Variants in CIITA observed in about 807,000 individuals in gnomAD.
The protein encoded by CIITA is MHC class II transactivator.
A neutral mutation model predicts 115.1 loss-of-function variants in CIITA; 72 were observed. The observed-to-expected ratio is 0.63, with a 90% CI of 0.52 to 0.76. The LOEUF is 0.76. Among genes scored for constraint, CIITA ranks in the 30% least tolerant of loss-of-function variants. CIITA has a pLI of 0.00. For missense variants in CIITA, 1,617 were observed against 1,463.8 expected (o/e 1.10, Z -1.71); for synonymous variants, 763 against 635.6 (o/e 1.20, Z -3.02).
chr16:10,908,193 T>A, intron 11 of CIITA, 44 bp downstream of exon 11: 1 of 1,549,036 alleles, frequency 6.5e-7, no homozygotes, highest in Non-Finnish European at 8.7e-7. Flanking sequence ...GTGTTGGGCA[T>A]TAACTGCGGT....
intron 15 of CIITA, chr16:10,917,130 G>A (rs1466591476): frequency 5.1e-6 from 1 of 196,452 alleles, no homozygotes; most frequent in East Asian, 8.0e-5. Context: ...AAACTGTTCT[G>A]GGCTCTGGGA....
At chr16:10,883,113 G>A (rs567594158) in intron 1 of CIITA, among the ~76,000 whole-genome samples, 27 of 152,268 alleles carry the variant, frequency 1.8e-4, no homozygotes. Context: ...CCAGCAGAGT[G>A]CTGGCGGGGG....
At chr16:10,939,486 T>A (rs1313482728), downstream of CIITA, 1 of 152,322 alleles carries the variant, frequency 6.6e-6, no homozygotes, top group African/African-American at 2.4e-5. The surrounding 1 kb of genome is among the most constrained non-coding windows in gnomAD (Gnocchi z 4.9). Flanking sequence ...TCCAGCCACA[T>A]GGGCCTCCTT....
chr16:10,906,804 G>A lies in CIITA; in HGVS notation c.1312G>A (p.Ala438Thr). 2 of 1,612,416 alleles carry A rather than the reference G, an allele frequency of 1.2e-6. No individual in the cohort carries two copies. The highest frequency in any genetic ancestry group is 1.7e-6 in the Non-Finnish European group (2 of 1,180,022). The change falls in exon 11 of 20, where the codon GCT (alanine) becomes ACT (threonine). Residue 438 changes from alanine (A) to threonine (T), a missense_variant. Coordinates refer to ENST00000324288, the MANE Select transcript of CIITA (RefSeq NM_000246.4). ...GGCTGGGGCAGTGAGCCGGGCCTGG[G>A]CTTGTGGCCGGCTTCCCCAGTACGA... ...YWAGAVSRAW[A>T]CGRLPQYDFV...
At chr16:10,868,305 G>A (rs1026901287) in intron 1 of CIITA, among the ~76,000 whole-genome samples, 2 of 149,970 alleles carry the variant, frequency 1.3e-5, no homozygotes, top group African/African-American at 5.1e-5. Flanking sequence ...GGTGGGAAGC[G>A]GTGAAGACTG....
At chr16:10,911,636 C>T (rs901055936) in intron 13 of CIITA, among the ~76,000 whole-genome samples, 1 of 151,910 alleles carries the variant, frequency 6.6e-6, no homozygotes, top group Non-Finnish European at 1.5e-5. Flanking sequence ...CTCACCACAG[C>T]CTCAACCTCC....
In CIITA at chr16:10,915,667, G is replaced by T; in HGVS notation, c.2969+17G>T. The T allele has an allele frequency of 1.2e-6, 2 of 1,605,666 alleles. No homozygotes were observed. Among genetic ancestry groups the T allele is most frequent in the Non-Finnish European group, 1.7e-6 (2 of 1,172,584 alleles). On this transcript the variant is annotated intron_variant, in intron 14 of 19. Transcript: ENST00000324288. Reference sequence around the variant, plus strand: ...GCATCTGGAGTGAGTATAGACTCTGGGACCCCTTCCTCTCAACATCTGGGT... The same window carrying T: ...GCATCTGGAGTGAGTATAGACTCTGTGACCCCTTCCTCTCAACATCTGGGT...
At chr16:10,910,676 C>G (rs561720805) in intron 13 of CIITA, among the ~76,000 whole-genome samples, 1 of 152,222 alleles carries the variant, frequency 6.6e-6, no homozygotes, top group East Asian at 1.9e-4. Context: ...GAAAGGCTTT[C>G]CAGGAATTGT....
upstream of CIITA, among the ~76,000 whole-genome samples, chr16:10,873,065 TG>T (rs2035592658): frequency 6.6e-6 from 1 of 152,196 alleles, no homozygotes; most frequent in South Asian, 2.1e-4. Context: ...CTCAATCTCC[TG>T]GGCTCAAGAC....
Position 10,915,605 on chromosome 16 carries a change from A to G in CIITA, c.2924A>G (p.Lys975Arg), listed in dbSNP as rs140103491. Residue 975 changes from lysine to arginine, a missense_variant, in exon 14 of 20, where the codon AAA becomes AGA. Physicochemically the swap from Lys to Arg is conservative, Grantham distance 26. Coordinates refer to ENST00000324288, the MANE Select transcript of CIITA (RefSeq NM_000246.4). Reference protein sequence around the residue: ...GPVSGPQAFPKLVRILTAFSS... With the variant: ...GPVSGPQAFPRLVRILTAFSS... ...GTCTCAGGCCCCCAGGCTTTCCCCA[A>G]ACTGGTGCGGATCCTCACGGCCTTT... The G allele has an allele frequency of 3.2e-3, 5,116 of 1,613,994 alleles. 180 individuals are homozygous for G. The South Asian group carries it at 0.052, about 16-fold the overall frequency.
Position 10,934,537 on chromosome 16 carries a change from G to A in CIITA, c.*10682G>A, listed in dbSNP as rs2040943155. 6.6e-6 allele frequency: 1 copy of A among 152,206 alleles called. No homozygotes were observed. The highest frequency in any genetic ancestry group is 1.5e-5 in the Non-Finnish European group (1 of 68,066). The allele number at this position is 152,206 out of a possible 1,614,324, so 9.4% of individuals were successfully genotyped here. On this transcript the variant is annotated 3_prime_UTR_variant, in exon 20 of 20. Transcript: ENST00000324288. This position sits in a 1 kb window ranked among gnomAD's most constrained non-coding sequence, Gnocchi z 4.2. The stretch of plus-strand genomic sequence containing the variant: ...ACGCCTCCAGCAGACCACCTCACTG[G>A]GGGAAACATCAGGACAGCGTGGCCA...
chr16:10,894,529 A>G (rs755194186), intron 1 of CIITA, among the ~76,000 whole-genome samples: 25 of 152,244 alleles, frequency 1.6e-4, no homozygotes, highest in Non-Finnish European at 3.2e-4. Flanking sequence ...TATTTATTAC[A>G]TGCATAGAAG....
chr16:10,909,127 C>T lies in CIITA; in HGVS notation c.2756C>T (p.Pro919Leu). ...QAAEEKFTIEPFKAKSLKDVE... is the reference protein window; with the variant it reads ...QAAEEKFTIELFKAKSLKDVE... Reference sequence around the variant, plus strand: ...GCAGAGGAGAAGTTCACCATCGAGCCTTTCAAAGCCAAGTCCCTGAAGGAT... The same window carrying T: ...GCAGAGGAGAAGTTCACCATCGAGCTTTTCAAAGCCAAGTCCCTGAAGGAT... The change falls in exon 12 of 20, where the codon CCT (proline) becomes CTT (leucine). Residue 919 changes from proline (P) to leucine (L), a missense_variant. Transcript: ENST00000324288. The T allele has an allele frequency of 6.2e-7, 1 of 1,614,240 alleles. No homozygotes were observed. The highest frequency in any genetic ancestry group is 8.5e-7 in the Non-Finnish European group (1 of 1,180,050).
At chr16:10,888,522 G>A (rs543108768) in intron 1 of CIITA, 1 of 152,338 alleles carries the variant, frequency 6.6e-6, no homozygotes, top group Non-Finnish European at 1.5e-5. Context: ...GGGAGAGAGA[G>A]GTGAATTGTT....
chr16:10,936,698 G>A (rs775159118), downstream of CIITA: 1 of 152,198 alleles, frequency 6.6e-6, no homozygotes, highest in Admixed American at 6.5e-5. Flanking sequence ...TTCCAAGGTC[G>A]GGGATGGGGA....
intron 1 of CIITA, among the ~76,000 whole-genome samples, chr16:10,884,582 T>C (rs1335374045): frequency 6.6e-6 from 1 of 152,102 alleles, no homozygotes; most frequent in Non-Finnish European, 1.5e-5. Context: ...ACCCAGCTAA[T>C]TTTTGTATCT....
intron 1 of CIITA, among the ~76,000 whole-genome samples, chr16:10,889,256 C>T (rs2037288469): frequency 6.6e-6 from 1 of 152,178 alleles, no homozygotes; most frequent in African/African-American, 2.4e-5. Context: ...GCCTTTGAAG[C>T]ACTTCCTAAG....
In CIITA at chr16:10,895,725, G is replaced by A; in HGVS notation, c.256G>A (p.Glu86Lys). ...GTTCAGCAGGCTGTTGTGTGACATG[G>A]AAGGTGATGAAGAGACCAGGGAGGC... The part of the protein sequence containing the change: ...DQFSRLLCDM[E>K]GDEETREAYA... Residue 86 changes from glutamate (E) to lysine (K), a missense_variant, in exon 3 of 20, where the codon GAA becomes AAA. Coordinates refer to ENST00000324288, the MANE Select transcript of CIITA (RefSeq NM_000246.4). 6.2e-7 allele frequency: 1 copy of A among 1,614,142 alleles called. No individual in the cohort carries two copies. Among genetic ancestry groups the A allele is most frequent in the Non-Finnish European group, 8.5e-7 (1 of 1,180,040 alleles).
chr16:10,942,265 G>T lies in CIITA; in HGVS notation n.1391G>T. The T allele has an allele frequency of 2.9e-6, 1 of 343,464 alleles. No homozygotes were observed. Among genetic ancestry groups the T allele is most frequent in the Non-Finnish European group, 5.3e-6 (1 of 189,300 alleles). The allele number at this position is 343,464 out of a possible 1,614,324, so 21.3% of individuals were successfully genotyped here. A position where few individuals can be genotyped will look rare whatever the true frequency, so the allele number is the denominator to read the frequency against. On this transcript the variant is annotated non_coding_transcript_exon_variant, in exon 2 of 2. Coordinates refer to the CIITA transcript ENST00000573379. The surrounding 1 kb of genome is among the most constrained non-coding windows in gnomAD (Gnocchi z 5.0). ...GGCGGGCCCCCCTGAAGTGGCCCGC[G>T]GCTGCCCGGCTCCCTCGTGGCGCCT...
Sources: allele counts gnomAD v4.1 joint callset (sites outside exome capture counted in the v4.1 genomes callset), GRCh38; gene constraint gnomAD v4.1.1; non-coding constraint Gnocchi (gnomAD v3.1); transcripts MANE v1.5; gene names NCBI Gene and HGNC (gene_info 2026-07-23, HGNC 2026-07-21).